Variants in CADM2 observed in about 807,000 individuals in gnomAD.
CADM2 encodes the protein cell adhesion molecule 2.
CADM2 carries 12 observed loss-of-function variants against 49.8 expected under a neutral mutation model. That is an observed-to-expected ratio of 0.24 (90% confidence interval 0.15 to 0.39). The LOEUF is 0.39. Ranked by LOEUF, CADM2 falls within the 10% of genes least tolerant of loss-of-function variation. CADM2 has a pLI of 1.00. For synonymous variants in CADM2, 214 were observed against 175.4 expected, an observed-to-expected ratio of 1.22 and a Z score of -1.74; for missense variants, 378 against 492.3, an observed-to-expected ratio of 0.77 and a Z score of 2.20.
At chr3:85,297,712 T>G (rs1319597708) in intron 1 of CADM2, among the ~76,000 whole-genome samples, 4 of 152,022 alleles carry the variant, frequency 2.6e-5, no homozygotes, top group Non-Finnish European at 5.9e-5. Context: ...AGGATTCAGT[T>G]TTGAGTTCTG....
intron 3 of CADM2, among the ~76,000 whole-genome samples, chr3:85,842,864 A>G (rs1415458395): frequency 1.3e-5 from 2 of 152,126 alleles, no homozygotes; most frequent in African/African-American, 4.8e-5. Flanking sequence ...AAATTAGTAG[A>G]TATTATACAC....
chr3:85,540,069 T>C (rs1252848120), intron 1 of CADM2, among the ~76,000 whole-genome samples: 1 of 152,144 alleles, frequency 6.6e-6, no homozygotes. Flanking sequence ...GATAAATCTA[T>C]TCTCCCGTAA....
At chr3:85,532,710 A>G (rs905154556) in intron 1 of CADM2, among the ~76,000 whole-genome samples, 3 of 152,240 alleles carry the variant, frequency 2.0e-5, no homozygotes, top group Non-Finnish European at 2.9e-5. Flanking sequence ...AAATGCATGC[A>G]TATGTTCATT....
At chr3:85,532,413 T>C (rs2061334148) in intron 1 of CADM2, among the ~76,000 whole-genome samples, 1 of 152,214 alleles carries the variant, frequency 6.6e-6, no homozygotes, top group Non-Finnish European at 1.5e-5. Flanking sequence ...CTTTAAATTT[T>C]AATTGTATTT....
intron 8 of CADM2, among the ~76,000 whole-genome samples, chr3:85,967,521 G>T (rs1419738760): frequency 6.6e-6 from 1 of 151,452 alleles, no homozygotes; most frequent in African/African-American, 2.4e-5. Context: ...AAATTTTCTT[G>T]CCATAGAACT....
intron 1 of CADM2, among the ~76,000 whole-genome samples, chr3:85,276,271 A>G (rs572599263): frequency 6.6e-6 from 1 of 151,220 alleles, no homozygotes; most frequent in Non-Finnish European, 1.5e-5. Flanking sequence ...TTTCCATATG[A>G]TGTTATATAG....
intron 2 of CADM2, among the ~76,000 whole-genome samples, chr3:85,776,063 TG>T (rs1431328558): frequency 1.3e-5 from 2 of 151,774 alleles, no homozygotes; most frequent in Non-Finnish European, 3.0e-5. Context: ...GAATTTCTCT[TG>T]GGGGTTATAA....
At chr3:85,232,614 A>G (rs1358859938) in intron 1 of CADM2, among the ~76,000 whole-genome samples, 1 of 152,184 alleles carries the variant, frequency 6.6e-6, no homozygotes, top group Non-Finnish European at 1.5e-5. Flanking sequence ...TGCAAAAGAT[A>G]TGAATAGATA....
At chr3:85,624,855 G>A (rs995122664) in intron 1 of CADM2, among the ~76,000 whole-genome samples, 1 of 151,690 alleles carries the variant, frequency 6.6e-6, no homozygotes, top group South Asian at 2.1e-4. Flanking sequence ...ATATTTATAG[G>A]GTACATGAGA....
At chr3:85,839,954 C>A (rs1434051523) in intron 3 of CADM2, among the ~76,000 whole-genome samples, 1 of 151,838 alleles carries the variant, frequency 6.6e-6, no homozygotes, top group Non-Finnish European at 1.5e-5. Context: ...TTATTTCTCA[C>A]AGGGACATGT....
chr3:85,782,108 C>T (rs1433138739), intron 2 of CADM2, among the ~76,000 whole-genome samples: 1 of 152,156 alleles, frequency 6.6e-6, no homozygotes, highest in Non-Finnish European at 1.5e-5. Context: ...TATAATAGAA[C>T]ATTCTTAATG....
At chr3:85,263,431 T>A (rs2043057129) in intron 1 of CADM2, among the ~76,000 whole-genome samples, 1 of 152,148 alleles carries the variant, frequency 6.6e-6, no homozygotes, top group South Asian at 2.1e-4. Flanking sequence ...ATACCAGGTG[T>A]TTCACATACA....
At chr3:85,484,164 C>CT (rs1240484928) in intron 1 of CADM2, among the ~76,000 whole-genome samples, 2 of 151,762 alleles carry the variant, frequency 1.3e-5, no homozygotes, top group Non-Finnish European at 2.9e-5. Flanking sequence ...AGGCTACAAA[C>CT]TTTTTTCCAG....
intron 1 of CADM2, among the ~76,000 whole-genome samples, chr3:85,555,923 A>G (rs1305241201): frequency 6.6e-6 from 1 of 152,180 alleles, no homozygotes; most frequent in Non-Finnish European, 1.5e-5. Flanking sequence ...AGAGTGAGTC[A>G]TGGAATGTGA....
At chr3:85,990,013 CAAAAAAA>C (rs58178176) in intron 8 of CADM2, among the ~76,000 whole-genome samples, 6 of 9,638 alleles carry the variant, frequency 6.2e-4, no homozygotes, top group South Asian at 6.9e-3. Flanking sequence ...ACTCCATGTC[CAAAAAAA>C]AAAAAAAAAA....
chr3:85,668,702 C>A (rs1038040673), intron 1 of CADM2, among the ~76,000 whole-genome samples: 1 of 152,122 alleles, frequency 6.6e-6, no homozygotes, highest in African/African-American at 2.4e-5. Flanking sequence ...CTTCTCCAGC[C>A]CTATGGAACT....
rs898789216 is a variant in CADM2 at position 85,440,720 on chromosome 3, C to T, written c.62-285802C>T. 5.7e-4 allele frequency among the ~76,000 whole-genome samples: 81 copies of T among 141,010 alleles called. 1 individual carries two copies. The highest frequency in any genetic ancestry group is 1.7e-4 in the Non-Finnish European group (11 of 63,638). 92.5% of individuals were successfully genotyped at this position (141,010 alleles called of 152,430 possible). On this transcript the variant is annotated intron_variant, in intron 1 of 9. Coordinates refer to ENST00000383699, the MANE Select transcript of CADM2 (RefSeq NM_001167675.2). ...TAAAAATGGCAATTATCATGGCTCACGTCTGTAATCCCAGTACTTTGGGAG... is the reference window on the plus strand; with the variant it reads ...TAAAAATGGCAATTATCATGGCTCATGTCTGTAATCCCAGTACTTTGGGAG...
rs185044029 is a variant in CADM2 at position 85,969,171 on chromosome 3, G to A, written c.970+7524G>A. Among the ~76,000 whole-genome samples, 20 of 151,452 alleles carry A rather than the reference G, an allele frequency of 1.3e-4. No homozygotes were observed. The East Asian group carries it at 3.5e-3, about 27-fold the overall frequency. On this transcript the variant is annotated intron_variant, in intron 8 of 9. Transcript: ENST00000383699. ...TTTTAAATGCATATCTCTTCATGTC[G>A]TTTCCCCATTTAAACTTATACAAAG...
At chr3:85,832,143 T>C (rs182129652) in intron 3 of CADM2, among the ~76,000 whole-genome samples, 5 of 152,076 alleles carry the variant, frequency 3.3e-5, no homozygotes, top group Non-Finnish European at 7.4e-5. Flanking sequence ...TGATTGAAGG[T>C]ATTTGGCTTT....
Sources: gnomAD v4.1 joint callset for allele counts (sites outside exome capture counted in the v4.1 genomes callset) on GRCh38, gnomAD v4.1.1 for gene constraint, MANE v1.5 for transcripts, NCBI Gene and HGNC (gene_info 2026-07-23, HGNC 2026-07-21) for gene names.